SPATA13: variants seen among roughly 807,000 people sequenced by gnomAD.
SPATA13 encodes the protein spermatogenesis-associated protein 13.
Under a neutral mutation model 104.0 loss-of-function variants are expected in SPATA13, and 50 were observed. That is an observed-to-expected ratio of 0.48 (90% CI 0.38 to 0.61). SPATA13 has a LOEUF of 0.61. Ranked by LOEUF, SPATA13 falls within the 20% of genes least tolerant of loss-of-function variation. The pLI, the probability that SPATA13 is intolerant of heterozygous loss-of-function variation, is 0.00. For missense variants in SPATA13, 1,524 were observed against 1,690.6 expected, an observed-to-expected ratio of 0.90 and a Z score of 1.73; for synonymous variants, 606 against 667.5, an observed-to-expected ratio of 0.91 and a Z score of 1.42.
intron 1 of SPATA13, among the ~76,000 whole-genome samples, chr13:24,189,395 A>C (rs1314982994): frequency 6.7e-6 from 1 of 149,814 alleles, no homozygotes; most frequent in Admixed American, 6.8e-5. Context: ...AATGGCATGA[A>C]CCCAGGGGGC....
rs1174851198 is a variant in SPATA13 at position 24,123,120 on chromosome 13, T to C, written c.-111-99699T>C. The C allele has an allele frequency of 3.0e-6, 3 of 1,012,792 alleles. No homozygotes were observed. In the South Asian group the frequency reaches 3.8e-5, roughly 13 times the overall value. The allele number at this position is 1,012,792 out of a possible 1,614,324, so 62.7% of individuals were successfully genotyped here. On this transcript the variant is annotated intron_variant, in intron 3 of 14. Transcript: ENST00000424834. The stretch of plus-strand genomic sequence containing the variant: ...TTCACAGATCATTTTCTGAATTGCA[T>C]GGGTAAGGTCATCATTTTCTGTTTC...
chr13:23,988,811 G>C (rs2810696), intron 2 of SPATA13, among the ~76,000 whole-genome samples: 54,714 of 151,968 alleles, frequency 0.36, 10,110 homozygotes, highest in Middle Eastern at 0.46. Context: ...TTGTTCATTT[G>C]TCAGTCGGGC....
chr13:24,081,967 A>C (rs1000786620), intron 3 of SPATA13, among the ~76,000 whole-genome samples: 1 of 152,180 alleles, frequency 6.6e-6, no homozygotes, highest in Non-Finnish European at 1.5e-5. Flanking sequence ...GCCATAGGTC[A>C]TATGCATATC....
rs1283772579 is a variant in SPATA13 at position 24,209,062 on chromosome 13, C to T, written c.-111-13757C>T. ...AGCTGTGGCTTCCTGGTTCCTGCCA[C>T]TGTTGATGAGCTCTCAGCACTGATG... is the stretch of plus-strand genomic sequence containing the variant. On this transcript the variant is annotated intron_variant, in intron 1 of 12. Coordinates refer to ENST00000382108, the MANE Select transcript of SPATA13 (RefSeq NM_001166271.3). Among the ~76,000 whole-genome samples the T allele has an allele frequency of 3.9e-5, 6 of 152,154 alleles. 1 individual carries two copies. The highest frequency in any genetic ancestry group is 7.2e-5 in the African/African-American group (3 of 41,434).
At position 24,011,821 on chromosome 13, in the gene SPATA13, A is replaced by G. The variant is rs1876481742; in HGVS notation, c.-146-5846A>G. ...TGCTAGCCTGGGTAGATGGCCTGGA[A>G]CTTAGGGGCAGAGCCCACCTGCACA... On this transcript the variant is annotated intron_variant, in intron 2 of 14. Transcript: ENST00000424834. The surrounding 1 kb of genome is among the most constrained non-coding windows in gnomAD (Gnocchi z 4.3). Among the ~76,000 whole-genome samples, 1 of 152,220 alleles carries G rather than the reference A, an allele frequency of 6.6e-6. No individual in the cohort carries two copies. Among genetic ancestry groups the G allele is most frequent in the Admixed American group, 6.5e-5 (1 of 15,292 alleles).
chr13:24,219,260 A>G (rs1871439755), intron 1 of SPATA13, among the ~76,000 whole-genome samples: 1 of 152,322 alleles, frequency 6.6e-6, no homozygotes, highest in Admixed American at 6.5e-5. Flanking sequence ...TTCCAGGAAA[A>G]GGCTTTTTTT....
intron 3 of SPATA13, among the ~76,000 whole-genome samples, chr13:24,061,353 A>G (rs1274477329): frequency 6.6e-6 from 1 of 152,248 alleles, no homozygotes; most frequent in Non-Finnish European, 1.5e-5. Flanking sequence ...TGACCCAATA[A>G]TCCCATTACT....
intron 1 of SPATA13, among the ~76,000 whole-genome samples, chr13:24,199,750 A>G (rs1229262922): frequency 6.6e-6 from 1 of 152,262 alleles, no homozygotes; most frequent in Non-Finnish European, 1.5e-5. Context: ...TAACAGTGTC[A>G]GATCACATTG....
chr13:24,240,703 T>C (rs1189394285), intron 2 of SPATA13, among the ~76,000 whole-genome samples: 3 of 152,222 alleles, frequency 2.0e-5, no homozygotes, highest in Admixed American at 2.0e-4. Flanking sequence ...TTAAAGTAAG[T>C]GTTCTCCATG....
At position 24,147,041 on chromosome 13, in the gene SPATA13, A is replaced by T. The variant is rs184158045; in HGVS notation, c.-111-75778A>T. Among the ~76,000 whole-genome samples the T allele has an allele frequency of 1.7e-3, 265 of 152,232 alleles. 1 individual carries two copies. The highest frequency in any genetic ancestry group is 6.2e-3 in the African/African-American group (257 of 41,526). On this transcript the variant is annotated intron_variant, in intron 3 of 14. Coordinates refer to the SPATA13 transcript ENST00000424834. Reference sequence around the variant, plus strand: ...AATTCATTGCCCAATAGGCCTCTGGATGAGTTTATTATTTTCCGCTGCCCA... The same window carrying T: ...AATTCATTGCCCAATAGGCCTCTGGTTGAGTTTATTATTTTCCGCTGCCCA...
Position 24,223,056 on chromosome 13 carries a change from A to G in SPATA13, c.127A>G (p.Thr43Ala). Residue 43 changes from threonine to alanine, a missense_variant, in exon 2 of 13, where the codon ACC becomes GCC. This residue lies in a region of SPATA13 where 1,089 missense variants were observed against 1,135.9 expected (regional missense o/e 0.96). Transcript: ENST00000382108. ...GSDLKDAKMVTSLACGNGVCG... is the reference protein window; with the variant it reads ...GSDLKDAKMVASLACGNGVCG... Reference sequence around the variant, plus strand: ...GGACCTGAAAGACGCCAAGATGGTGACCTCCCTTGCGTGTGGAAATGGAGT... The same window carrying G: ...GGACCTGAAAGACGCCAAGATGGTGGCCTCCCTTGCGTGTGGAAATGGAGT... 1 of 1,551,440 alleles carries G rather than the reference A, an allele frequency of 6.4e-7. No homozygotes were observed. The highest frequency in any genetic ancestry group is 8.7e-7 in the Non-Finnish European group (1 of 1,146,960).
chr13:24,216,048 G>A (rs1316888850), intron 1 of SPATA13, among the ~76,000 whole-genome samples: 1 of 152,220 alleles, frequency 6.6e-6, no homozygotes, highest in Admixed American at 6.5e-5. Flanking sequence ...CTTCAGGGCT[G>A]AGGGCTGTGA....
At chr13:24,042,216 T>C (rs1416481774) in intron 3 of SPATA13, among the ~76,000 whole-genome samples, 1 of 152,210 alleles carries the variant, frequency 6.6e-6, no homozygotes, top group African/African-American at 2.4e-5. Context: ...TCTGTGTCTC[T>C]TTTCTTACTC....
intron 1 of SPATA13, among the ~76,000 whole-genome samples, chr13:24,183,278 C>A (rs147481962): frequency 6.6e-6 from 1 of 152,192 alleles, no homozygotes; most frequent in African/African-American, 2.4e-5. Context: ...ATAATAAACA[C>A]ACATTTTCTT....
chr13:24,160,347 G>A (rs1289119804), upstream of SPATA13, among the ~76,000 whole-genome samples: 1 of 152,180 alleles, frequency 6.6e-6, no homozygotes, highest in East Asian at 1.9e-4. Context: ...TCGGGTTCAA[G>A]TGATTCTCCT....
chr13:24,081,829 C>G (rs1358602382), intron 3 of SPATA13, among the ~76,000 whole-genome samples: 3 of 152,218 alleles, frequency 2.0e-5, no homozygotes, highest in Non-Finnish European at 4.4e-5. Context: ...TCTTCTGTCC[C>G]CCTGGGTTAA....
chr13:24,159,042 A>AT (rs1566125340), upstream of SPATA13, among the ~76,000 whole-genome samples: 3 of 152,286 alleles, frequency 2.0e-5, no homozygotes, highest in African/African-American at 7.2e-5. Flanking sequence ...TTGAAACACA[A>AT]TTTTTTTAAA....
chr13:24,246,847 G>A (rs1432153638), intron 2 of SPATA13, among the ~76,000 whole-genome samples: 2 of 151,972 alleles, frequency 1.3e-5, no homozygotes, highest in Non-Finnish European at 2.9e-5. Context: ...TGGTGACAGA[G>A]TACGACTCCA....
intron 2 of SPATA13, among the ~76,000 whole-genome samples, chr13:23,988,495 T>G (rs976549613): frequency 1.3e-5 from 2 of 152,222 alleles, no homozygotes; most frequent in Non-Finnish European, 2.9e-5. Flanking sequence ...TTCACACATG[T>G]GCAAGCATGT....
Sources: gnomAD v4.1 joint callset for allele counts (sites outside exome capture counted in the v4.1 genomes callset) on GRCh38, gnomAD v4.1.1 for gene constraint, gnomAD v4.1.1 regional missense constraint, Gnocchi (gnomAD v3.1) non-coding constraint, MANE v1.5 for transcripts, NCBI Gene and HGNC (gene_info 2026-07-23, HGNC 2026-07-21) for gene names.